ANK1: variants seen among roughly 807,000 people sequenced by gnomAD.
ANK1 encodes ankyrin 1.
ANK1 carries 51 observed loss-of-function variants against 210.4 expected under a neutral mutation model. The ratio of observed to expected loss-of-function variants is 0.24; its 90% CI spans 0.19 to 0.31. ANK1 has a LOEUF of 0.31. ANK1 is among the 10% of genes least tolerant of loss of function. The pLI, the probability that ANK1 is intolerant of heterozygous loss-of-function variation, is 1.00. For synonymous variants in ANK1, 967 were observed against 1,025.9 expected, an observed-to-expected ratio of 0.94 and a Z score of 1.10; for missense variants, 2,051 against 2,504.4, an observed-to-expected ratio of 0.82 and a Z score of 3.86.
At chr8:41,717,769 T>C in intron 11 of ANK1, 67 bp from the exon 12 acceptor site, 2 of 1,312,328 alleles carry the variant, frequency 1.5e-6, no homozygotes, top group Non-Finnish European at 2.2e-6. Flanking sequence ...AGAGAGAACC[T>C]GACAGTATCT....
intron 3 of ANK1, among the ~76,000 whole-genome samples, chr8:41,730,436 G>A (rs1028774548): frequency 1.3e-5 from 2 of 150,496 alleles, no homozygotes; most frequent in African/African-American, 4.9e-5. Context: ...GACCCAGTCT[G>A]TCTGTCTTTT....
In ANK1 at chr8:41,797,482, C is replaced by A. The variant is rs376868740; in HGVS notation, c.27+30G>T. On this transcript the variant is annotated intron_variant, in intron 1 of 42. Transcript: ENST00000289734. This position sits in a 1 kb window ranked among gnomAD's most constrained non-coding sequence, Gnocchi z 4.0. ...GGGTGGCCCCCTCCTGACATCTCCC[C>A]GTCCACCCGAGCAGCCGCCCAGTAC... is the stretch of plus-strand genomic sequence containing the variant. 31 of 1,604,854 alleles carry A rather than the reference C, an allele frequency of 1.9e-5. No homozygotes were observed. In the African/African-American group the frequency reaches 3.9e-4, roughly 20 times the overall value.
chr8:41,773,683 C>G (rs546644901), intron 1 of ANK1, among the ~76,000 whole-genome samples: 1 of 152,272 alleles, frequency 6.6e-6, no homozygotes, highest in East Asian at 1.9e-4. Flanking sequence ...TCCGGCATCT[C>G]CCCCTTCTTC....
In ANK1 at chr8:41,694,898, T is replaced by G; in HGVS notation, c.3116-95A>C. ...GAGTCTCCTTGTCCCCAAGACCCAG[T>G]GCACACACCCTCCCCAGGTGCCGGG... On this transcript the variant is annotated intron_variant, in intron 27 of 42. Transcript: ENST00000289734. The surrounding 1 kb of genome is among the most constrained non-coding windows in gnomAD (Gnocchi z 5.7). 1 of 1,311,590 alleles carries G rather than the reference T, an allele frequency of 7.6e-7. No individual in the cohort carries two copies. Among genetic ancestry groups the G allele is most frequent in the Non-Finnish European group, 1.1e-6 (1 of 924,024 alleles). 81.2% of individuals were successfully genotyped at this position (1,311,590 alleles called of 1,614,324 possible).
chr8:41,720,157 C>T (rs1010242587), intron 9 of ANK1, among the ~76,000 whole-genome samples: 2 of 152,208 alleles, frequency 1.3e-5, no homozygotes, highest in African/African-American at 4.8e-5. Flanking sequence ...GCGCTCAGAC[C>T]TTATTCTCAT....
chr8:41,778,936 G>A (rs1014052286), intron 1 of ANK1, among the ~76,000 whole-genome samples: 1 of 152,212 alleles, frequency 6.6e-6, no homozygotes, highest in African/African-American at 2.4e-5. Context: ...GAGAGAGATA[G>A]AGGAGCAGTA....
At chr8:41,761,369 GTGCA>G (rs1329098065) in intron 1 of ANK1, among the ~76,000 whole-genome samples, 3 of 52,314 alleles carry the variant, frequency 5.7e-5, no homozygotes, top group Non-Finnish European at 1.9e-4. Context: ...AGAGACCTGT[GTGCA>G]CACACACACA....
intron 2 of ANK1, among the ~76,000 whole-genome samples, chr8:41,738,099 G>C (rs577687836): frequency 6.6e-6 from 1 of 152,220 alleles, no homozygotes; most frequent in Non-Finnish European, 1.5e-5. Context: ...GAGTTGTTCT[G>C]TCAAGAAGAC....
chr8:41,773,237 T>C lies in ANK1; in HGVS notation c.28-15100A>G, dbSNP rs548341808. 5.9e-5 allele frequency among the ~76,000 whole-genome samples: 9 copies of C among 152,110 alleles called. No homozygotes were observed. The East Asian group carries it at 1.7e-3, about 30-fold the overall frequency. ...AGGGATGGCAAGTGCGGGGGTCTAT[T>C]TAGGGAGGTGATCAGAGCCCGGATC... On this transcript the variant is annotated intron_variant, in intron 1 of 42. Coordinates refer to ENST00000289734, the MANE Select transcript of ANK1 (RefSeq NM_000037.4).
chr8:41,666,757 G>A (rs377391229), intron 39 of ANK1, among the ~76,000 whole-genome samples: 4 of 152,248 alleles, frequency 2.6e-5, no homozygotes, highest in African/African-American at 7.2e-5. Context: ...TCTGATCGGC[G>A]TCTCCAGTTC....
intron 37 of ANK1, among the ~76,000 whole-genome samples, chr8:41,683,565 C>G (rs1816783643): frequency 6.6e-6 from 1 of 152,268 alleles, no homozygotes; most frequent in South Asian, 2.1e-4. Flanking sequence ...TACACATCAC[C>G]ATGCAGGCAT....
chr8:41,675,276 T>C (rs553265520), intron 37 of ANK1, among the ~76,000 whole-genome samples: 1 of 152,332 alleles, frequency 6.6e-6, no homozygotes, highest in East Asian at 1.9e-4. Flanking sequence ...TTTGTATTTT[T>C]AGTAGAGATG....
intron 17 of ANK1, among the ~76,000 whole-genome samples, chr8:41,707,922 G>A (rs1825078324): frequency 6.6e-6 from 1 of 152,112 alleles, no homozygotes; most frequent in South Asian, 2.1e-4. Flanking sequence ...CAAAGAAGTG[G>A]TTCTTCACAT....
intron 1 of ANK1, among the ~76,000 whole-genome samples, chr8:41,819,539 A>C (rs1229268874): frequency 1.3e-5 from 2 of 152,206 alleles, no homozygotes; most frequent in African/African-American, 4.8e-5. Context: ...GGGAACCTCC[A>C]GGCACCAGCC....
At chr8:41,828,608 T>A (rs1805954583) in intron 1 of ANK1, 1 of 154,186 alleles carries the variant, frequency 6.5e-6, no homozygotes, top group African/African-American at 2.4e-5. Context: ...CCTCTTCAGT[T>A]CCTGGAACAG....
chr8:41,726,722 A>G (rs920229698), intron 5 of ANK1, among the ~76,000 whole-genome samples: 7 of 152,214 alleles, frequency 4.6e-5, no homozygotes, highest in African/African-American at 1.4e-4. Context: ...AGTTGTGGAC[A>G]TACTAAAGGG....
chr8:41,757,915 C>G, intron 2 of ANK1, 121 bp downstream of exon 2: 1 of 942,708 alleles, frequency 1.1e-6, no homozygotes, highest in Non-Finnish European at 1.7e-6. Context: ...AGGCAGGAGC[C>G]CTGGGGGAGT....
chr8:41,724,361 C>T, intron 7 of ANK1, 95 bp downstream of exon 7: 1 of 1,119,042 alleles, frequency 8.9e-7, no homozygotes, highest in Non-Finnish European at 1.3e-6. Flanking sequence ...CCCACAGGCA[C>T]TTCTGCCACT....
Position 41,654,109 on chromosome 8 carries a change from C to T in ANK1, c.*1681G>A, listed in dbSNP as rs956928686. On this transcript the variant is annotated 3_prime_UTR_variant, in exon 43 of 43. Transcript: ENST00000289734. Reference sequence around the variant, plus strand: ...GCGGGGCGGACGGGGCCGGGCCGTCCACACCGCGGCTCCAGGGGCGAGAGG... The same window carrying T: ...GCGGGGCGGACGGGGCCGGGCCGTCTACACCGCGGCTCCAGGGGCGAGAGG... 1.3e-5 allele frequency: 2 copies of T among 152,506 alleles called. No individual in the cohort carries two copies. The highest frequency in any genetic ancestry group is 2.4e-5 in the African/African-American group (1 of 41,446). The allele number at this position is 152,506 out of a possible 1,614,324, so 9.4% of individuals were successfully genotyped here.
Sources: gnomAD v4.1 joint callset for allele counts (sites outside exome capture counted in the v4.1 genomes callset) on GRCh38, gnomAD v4.1.1 for gene constraint, Gnocchi (gnomAD v3.1) non-coding constraint, MANE v1.5 for transcripts, NCBI Gene and HGNC (gene_info 2026-07-23, HGNC 2026-07-21) for gene names.